FUT8: variants seen among roughly 807,000 people sequenced by gnomAD.
FUT8 encodes alpha-(1,6)-fucosyltransferase.
A neutral mutation model predicts 71.3 loss-of-function variants in FUT8; 29 were observed. The observed-to-expected ratio is 0.41, with a 90% CI of 0.30 to 0.55. The LOEUF is 0.55. FUT8 is among the 20% of genes least tolerant of loss of function. FUT8 has a pLI of 0.34. For synonymous variants in FUT8, 254 were observed against 239.3 expected, an observed-to-expected ratio of 1.06 and a Z score of -0.57; for missense variants, 544 against 702.1, an observed-to-expected ratio of 0.77 and a Z score of 2.55.
At chr14:65,557,413 A>G (rs1292378806) in intron 2 of FUT8, among the ~76,000 whole-genome samples, 1 of 150,634 alleles carries the variant, frequency 6.6e-6, no homozygotes, top group Non-Finnish European at 1.5e-5. Flanking sequence ...GCTCACTGCA[A>G]CCTCCACCTT....
At chr14:65,406,977 C>T (rs914755220), upstream of FUT8, among the ~76,000 whole-genome samples, 1 of 152,176 alleles carries the variant, frequency 6.6e-6, no homozygotes, top group Non-Finnish European at 1.5e-5. Flanking sequence ...CTGGATCCTA[C>T]AATGTGGTGT....
rs925132456 is a variant in FUT8, at chr14:65,643,571, G to A, written c.597+13965G>A. 5.9e-5 allele frequency among the ~76,000 whole-genome samples: 9 copies of A among 151,938 alleles called. No homozygotes were observed. The South Asian group carries it at 1.5e-3, about 25-fold the overall frequency. Reference sequence around the variant, plus strand: ...CAGGAGGCTGAGGCAGGAGAATGGCGTGAACCTGGGAGGCGGAGCTTGCAG... The same window carrying A: ...CAGGAGGCTGAGGCAGGAGAATGGCATGAACCTGGGAGGCGGAGCTTGCAG... On this transcript the variant is annotated intron_variant, in intron 6 of 10. Transcript: ENST00000673929. The surrounding 1 kb of genome is among the most constrained non-coding windows in gnomAD (Gnocchi z 4.5).
intron 6 of FUT8, among the ~76,000 whole-genome samples, chr14:65,656,848 T>A (rs530702645): frequency 6.6e-6 from 1 of 152,154 alleles, no homozygotes; most frequent in South Asian, 2.1e-4. Flanking sequence ...CAGAAACAAA[T>A]CTGTTATCTA....
intron 2 of FUT8, chr14:65,516,376 C>T (rs914997824): frequency 1.6e-4 from 25 of 151,902 alleles, no homozygotes; most frequent in African/African-American, 5.6e-4. Context: ...AAGCTTCTGT[C>T]GAGAAAATGG....
At chr14:65,722,823 G>A (rs1895486204) in intron 8 of FUT8, among the ~76,000 whole-genome samples, 1 of 152,196 alleles carries the variant, frequency 6.6e-6, no homozygotes, top group Admixed American at 6.5e-5. Flanking sequence ...AGTAACTCTG[G>A]TGAAATCAAA....
At chr14:65,435,126 G>C (rs1454486942) in intron 1 of FUT8, among the ~76,000 whole-genome samples, 2 of 152,128 alleles carry the variant, frequency 1.3e-5, no homozygotes, top group East Asian at 3.9e-4. Context: ...ATTCACAGAT[G>C]CTCAGGTCCC....
intron 7 of FUT8, among the ~76,000 whole-genome samples, chr14:65,684,749 T>G (rs1467096523): frequency 6.6e-6 from 1 of 152,174 alleles, no homozygotes; most frequent in Non-Finnish European, 1.5e-5. Flanking sequence ...CTGCTCTCAC[T>G]TCTCTCACCT....
chr14:65,404,577 C>A, the FUT8 span, among the ~76,000 whole-genome samples: 1 of 152,048 alleles, frequency 6.6e-6, no homozygotes, highest in Non-Finnish European at 1.5e-5. Flanking sequence ...CCGGGTCAAG[C>A]AATTCCCCTG....
rs1886996121 is a variant in FUT8, at chr14:65,580,070, T to TTATATTTATATA, written c.203+18309_203+18310insTTATATATATAT. On this transcript the variant is annotated intron_variant, in intron 3 of 10. Coordinates refer to ENST00000673929, the MANE Select transcript of FUT8 (RefSeq NM_001371533.1). ...TTCAAAATACTGATAGTGCTATATT[T>TTATATTTATATA]TATATATATATATATATATAGTCAT... Among the ~76,000 whole-genome samples, 2 of 142,832 alleles carry TTATATTTATATA rather than the reference T, an allele frequency of 1.4e-5. 1 individual carries two copies. Among genetic ancestry groups the TTATATTTATATA allele is most frequent in the African/African-American group, 5.3e-5 (2 of 38,004 alleles). The allele number at this position is 142,832 out of a possible 152,430, so 93.7% of individuals were successfully genotyped here.
chr14:65,360,369 T>G, the FUT8 span, among the ~76,000 whole-genome samples: 1 of 152,242 alleles, frequency 6.6e-6, no homozygotes, highest in Non-Finnish European at 1.5e-5. Flanking sequence ...GTAAGTGTAC[T>G]GATTATACCA....
the FUT8 span, among the ~76,000 whole-genome samples, chr14:65,391,996 G>A: frequency 0.13 from 20,379 of 151,976 alleles, 1,992 homozygotes; most frequent in East Asian, 0.54. Context: ...GCAATGGTAC[G>A]ATCTCAGCTC....
At chr14:65,606,889 A>T (rs904486908) in intron 3 of FUT8, among the ~76,000 whole-genome samples, 2 of 151,824 alleles carry the variant, frequency 1.3e-5, no homozygotes, top group Non-Finnish European at 2.9e-5. Flanking sequence ...GGAAACAACT[A>T]CTTCTTCAGA....
intron 2 of FUT8, among the ~76,000 whole-genome samples, chr14:65,517,253 TTTA>T (rs1397188440): frequency 6.6e-6 from 1 of 152,154 alleles, no homozygotes; most frequent in Middle Eastern, 3.2e-3. Context: ...TTTACATATT[TTTA>T]CTTAAACGAG....
chr14:65,628,450 G>A (rs528036378), intron 5 of FUT8, among the ~76,000 whole-genome samples: 1 of 152,348 alleles, frequency 6.6e-6, no homozygotes, highest in African/African-American at 2.4e-5. Flanking sequence ...GGGAGACCTT[G>A]TTAGGAGGTT....
At chr14:65,488,611 T>A (rs1280663544) in intron 2 of FUT8, 4 of 152,262 alleles carry the variant, frequency 2.6e-5, no homozygotes, top group African/African-American at 9.6e-5. Context: ...GAATATAATC[T>A]ATGCTTTGAA....
chr14:65,622,683 T>C (rs1315855283), intron 5 of FUT8, among the ~76,000 whole-genome samples: 1 of 152,244 alleles, frequency 6.6e-6, no homozygotes, highest in African/African-American at 2.4e-5. Context: ...GCCTGTCTCC[T>C]GGTCACATTT....
intron 10 of FUT8, among the ~76,000 whole-genome samples, chr14:65,738,009 G>A (rs1387502427): frequency 6.6e-6 from 1 of 152,094 alleles, no homozygotes; most frequent in Non-Finnish European, 1.5e-5. Flanking sequence ...CCTGTTGAGA[G>A]TACCATGGAG....
At chr14:65,642,382 C>T (rs1890880938) in intron 6 of FUT8, among the ~76,000 whole-genome samples, 2 of 152,170 alleles carry the variant, frequency 1.3e-5, no homozygotes, top group African/African-American at 4.8e-5. Flanking sequence ...GTGGGTGGAT[C>T]ACTTGAGGCC....
At chr14:65,621,245 G>GTT (rs376489698) in intron 5 of FUT8, among the ~76,000 whole-genome samples, 16 of 145,748 alleles carry the variant, frequency 1.1e-4, no homozygotes, top group East Asian at 1.0e-3. Flanking sequence ...ATTTGTTCCT[G>GTT]TTTTTTTTTT....
Sources: gnomAD v4.1 joint callset for allele counts (sites outside exome capture counted in the v4.1 genomes callset) on GRCh38, gnomAD v4.1.1 for gene constraint, Gnocchi (gnomAD v3.1) non-coding constraint, MANE v1.5 for transcripts, NCBI Gene and HGNC (gene_info 2026-07-23, HGNC 2026-07-21) for gene names.